NTRK3: variants seen among roughly 807,000 people sequenced by gnomAD.
NTRK3 encodes NT-3 growth factor receptor.
Under a neutral mutation model 91.7 loss-of-function variants are expected in NTRK3, and 24 were observed. The ratio of observed to expected loss-of-function variants is 0.26; its 90% CI spans 0.19 to 0.37. The LOEUF (loss-of-function observed/expected upper bound fraction) is 0.37, where lower values mean the gene tolerates loss of function less well. Among genes scored for constraint, NTRK3 ranks in the 10% least tolerant of loss-of-function variants. The pLI is 1.00. For missense variants in NTRK3, 880 were observed against 1,068.9 expected (o/e 0.82, Z 2.46); for synonymous variants, 483 against 404.0 (o/e 1.20, Z -2.34).
rs16941259 is a variant in NTRK3 at position 88,110,324 on chromosome 15, C to A, written c.1396+15947G>T. The stretch of plus-strand genomic sequence containing the variant: ...CTAGCGTCTTCCTGTCTGCAGGCAC[C>A]GTGGGGTAGGCAGAAGGAAGAAATG... On this transcript the variant is annotated intron_variant, in intron 13 of 18. Transcript: ENST00000394480. Among the ~76,000 whole-genome samples the A allele has an allele frequency of 3.9e-3, 589 of 152,258 alleles. 2 individuals carry two copies. The highest frequency in any genetic ancestry group is 0.014 in the African/African-American group (563 of 41,544).
chr15:88,231,437 G>A (rs140545716), intron 3 of NTRK3, among the ~76,000 whole-genome samples: 56 of 151,458 alleles, frequency 3.7e-4, no homozygotes, highest in Admixed American at 1.1e-3. Flanking sequence ...TTGAAACGCA[G>A]ATTAAAAATA....
At chr15:87,893,848 T>C (rs1282554910) in intron 17 of NTRK3, among the ~76,000 whole-genome samples, 5 of 152,132 alleles carry the variant, frequency 3.3e-5, no homozygotes, top group Non-Finnish European at 7.3e-5. Flanking sequence ...ATAATATTTC[T>C]GGAACCAATG....
chr15:88,154,595 A>T (rs1268384752), intron 5 of NTRK3, among the ~76,000 whole-genome samples: 2 of 152,196 alleles, frequency 1.3e-5, no homozygotes, highest in Non-Finnish European at 2.9e-5. Context: ...ATGAACTTTA[A>T]TGAAGTCAAA....
exon 14 of NTRK3, chr15:88,033,045 C>A: frequency 6.4e-7 from 1 of 1,574,280 alleles, no homozygotes; most frequent in Non-Finnish European, 8.6e-7. Flanking sequence ...AGCCACGGGA[C>A]CTGCACACAC....
At chr15:87,937,354 GC>G (rs2069393248) in intron 15 of NTRK3, among the ~76,000 whole-genome samples, 1 of 152,144 alleles carries the variant, frequency 6.6e-6, no homozygotes, top group South Asian at 2.1e-4. Context: ...TAGGATGAAT[GC>G]TTTTAAAAAA....
intron 18 of NTRK3, among the ~76,000 whole-genome samples, chr15:87,878,989 A>G (rs994921926): frequency 6.6e-6 from 1 of 150,898 alleles, no homozygotes; most frequent in Non-Finnish European, 1.5e-5. Context: ...AACAGTAACA[A>G]TTTCTTAAAC....
At chr15:88,110,633 C>T (rs1238159916) in intron 13 of NTRK3, among the ~76,000 whole-genome samples, 1 of 152,130 alleles carries the variant, frequency 6.6e-6, no homozygotes, top group Non-Finnish European at 1.5e-5. Flanking sequence ...AGAGGCAAAG[C>T]ACTAATCAAA....
chr15:88,162,368 G>A (rs1004783396), intron 5 of NTRK3, among the ~76,000 whole-genome samples: 3 of 152,096 alleles, frequency 2.0e-5, no homozygotes, highest in Admixed American at 6.5e-5. Flanking sequence ...GGCACTCAAT[G>A]GAAATGAATT....
chr15:88,138,381 G>A (rs1326937866), intron 6 of NTRK3, among the ~76,000 whole-genome samples: 3 of 152,184 alleles, frequency 2.0e-5, no homozygotes, highest in African/African-American at 7.2e-5. Context: ...CTGCACTCCA[G>A]CCTGGGCGAC....
intron 14 of NTRK3, among the ~76,000 whole-genome samples, chr15:88,016,891 T>C (rs2077269601): frequency 7.2e-6 from 1 of 139,164 alleles, no homozygotes; most frequent in African/African-American, 2.7e-5. Flanking sequence ...TGGCTGAGTA[T>C]AAATTATCCC....
At chr15:88,028,026 G>T (rs1596799380) in intron 14 of NTRK3, among the ~76,000 whole-genome samples, 1 of 152,190 alleles carries the variant, frequency 6.6e-6, no homozygotes, top group South Asian at 2.1e-4. Context: ...GGTGTGGAAG[G>T]AAAGGAGAGG....
At chr15:87,959,373 G>A (rs1055606915) in intron 14 of NTRK3, among the ~76,000 whole-genome samples, 1 of 152,114 alleles carries the variant, frequency 6.6e-6, no homozygotes, top group African/African-American at 2.4e-5. Flanking sequence ...GGGTTTTATT[G>A]TCATTACTCC....
At chr15:87,940,506 A>G (rs2069725682) in intron 15 of NTRK3, 117 bp downstream of exon 15, 1 of 1,518,130 alleles carries the variant, frequency 6.6e-7, no homozygotes, top group Admixed American at 1.7e-5. Flanking sequence ...AAGTCCTTTG[A>G]TTGCATCTGA....
intron 3 of NTRK3, among the ~76,000 whole-genome samples, chr15:88,195,272 C>T (rs1260654066): frequency 2.0e-5 from 3 of 152,204 alleles, no homozygotes; most frequent in African/African-American, 7.2e-5. Flanking sequence ...CTGATTATGT[C>T]ACCTATGTGT....
intron 18 of NTRK3, among the ~76,000 whole-genome samples, chr15:87,878,700 G>T (rs533751442): frequency 1.3e-5 from 2 of 152,218 alleles, no homozygotes; most frequent in Non-Finnish European, 2.9e-5. Flanking sequence ...GGTGGAGTGG[G>T]GGAAGTGGCT....
Position 88,033,058 on chromosome 15 carries a change from A to C in NTRK3, c.1397-13T>G, listed in dbSNP as rs780457462. ...ACAGCCACGGGACCTGCACACACCAAGAGAGACGCAGGACCTGGTGACGTC... is the reference window on the plus strand; with the variant it reads ...ACAGCCACGGGACCTGCACACACCACGAGAGACGCAGGACCTGGTGACGTC... On this transcript the variant is annotated splice_polypyrimidine_tract_variant and intron_variant, in intron 13 of 18. Coordinates refer to ENST00000394480, the Ensembl canonical transcript of NTRK3. 1.3e-6 allele frequency: 2 copies of C among 1,562,322 alleles called. No individual in the cohort carries two copies. The highest frequency in any genetic ancestry group is 1.2e-5 in the South Asian group (1 of 85,458).
chr15:88,032,585 T>C (rs887107515), intron 14 of NTRK3, among the ~76,000 whole-genome samples: 5 of 152,042 alleles, frequency 3.3e-5, no homozygotes, highest in Non-Finnish European at 7.4e-5. Context: ...TCCTGCCTTA[T>C]TGGGAGCACC....
intron 13 of NTRK3, among the ~76,000 whole-genome samples, chr15:88,071,638 A>G (rs2047096114): frequency 6.6e-6 from 1 of 152,242 alleles, no homozygotes; most frequent in South Asian, 2.1e-4. Flanking sequence ...CCTAAGAGGT[A>G]AGACGTTATT....
chr15:88,080,162 C>T (rs1180949399), intron 13 of NTRK3, among the ~76,000 whole-genome samples: 1 of 152,224 alleles, frequency 6.6e-6, no homozygotes, highest in African/African-American at 2.4e-5. Flanking sequence ...CACTTCAATA[C>T]ACAACCTTGT....
Sources: gnomAD v4.1 joint callset for allele counts (sites outside exome capture counted in the v4.1 genomes callset) on GRCh38, gnomAD v4.1.1 for gene constraint, MANE v1.5 for transcripts, NCBI Gene and HGNC (gene_info 2026-07-23, HGNC 2026-07-21) for gene names.